Variants in STAT5B observed in about 807,000 individuals in gnomAD.
The protein encoded by STAT5B is transcription factor STAT5B.
Under a neutral mutation model 107.8 loss-of-function variants are expected in STAT5B, and 21 were observed. The ratio of observed to expected loss-of-function variants is 0.19; its 90% confidence interval spans 0.14 to 0.28. The LOEUF (loss-of-function observed/expected upper bound fraction) is 0.28. STAT5B is among the 10% of genes least tolerant of loss of function. The pLI, the probability that STAT5B is intolerant of heterozygous loss-of-function variation, is 1.00. For synonymous variants in STAT5B, 325 were observed against 401.7 expected, an observed-to-expected ratio of 0.81 and a Z score of 2.28; for missense variants, 565 against 1,008.2, an observed-to-expected ratio of 0.56 and a Z score of 5.95.
chr17:42,223,033 A>G (rs1181133106), intron 5 of STAT5B, among the ~76,000 whole-genome samples: 2 of 152,130 alleles, frequency 1.3e-5, no homozygotes, highest in Non-Finnish European at 2.9e-5. Context: ...TATCATTTCA[A>G]TAAAGCTCCA....
At chr17:42,227,193 T>C (rs1473164650) in intron 3 of STAT5B, among the ~76,000 whole-genome samples, 1 of 118,772 alleles carries the variant, frequency 8.4e-6, no homozygotes, top group Non-Finnish European at 1.8e-5. Context: ...CAGAGGTACT[T>C]ACTGGTGCAG....
At position 42,223,577 on chromosome 17, in the gene STAT5B, G is replaced by T. The variant is rs369759037; in HGVS notation, c.376-21C>A. 6.3e-5 allele frequency: 101 copies of T among 1,612,440 alleles called. No individual in the cohort carries two copies. The Middle Eastern group carries it at 5.3e-3, about 84-fold the overall frequency. Reference sequence around the variant, plus strand: ...CTACCCTGGGAACATATGGGGGGCAGTGCAAGGCAGTGCGAATGGGAGGAA... The same window carrying T: ...CTACCCTGGGAACATATGGGGGGCATTGCAAGGCAGTGCGAATGGGAGGAA... On this transcript the variant is annotated intron_variant, in intron 4 of 18. Transcript: ENST00000293328.
intron 1 of STAT5B, among the ~76,000 whole-genome samples, chr17:42,239,246 C>CAAAA (rs770177992): frequency 1.7e-4 from 9 of 52,466 alleles, no homozygotes; most frequent in African/African-American, 5.1e-4. Context: ...GACTCTGTCT[C>CAAAA]AAAAAAAAAA....
upstream of STAT5B, among the ~76,000 whole-genome samples, chr17:42,281,079 A>G (rs1486080754): frequency 6.6e-6 from 1 of 151,776 alleles, no homozygotes; most frequent in African/African-American, 2.4e-5. Flanking sequence ...GGTTGCAGTG[A>G]GCAGAGATCG....
chr17:42,226,004 G>A (rs559877185), intron 3 of STAT5B, among the ~76,000 whole-genome samples: 7 of 152,206 alleles, frequency 4.6e-5, no homozygotes, highest in East Asian at 3.9e-4. Context: ...GCACGGTCTC[G>A]GCTCACTGCA....
chr17:42,272,455 CAGAT>C (rs1352111879), intron 1 of STAT5B: 2 of 152,174 alleles, frequency 1.3e-5, no homozygotes, highest in African/African-American at 2.4e-5. Context: ...TGCGAGGAAA[CAGAT>C]AGCAGCACCT....
intron 1 of STAT5B, among the ~76,000 whole-genome samples, chr17:42,238,292 C>T (rs949882109): frequency 1.3e-5 from 2 of 151,598 alleles, no homozygotes; most frequent in Non-Finnish European, 2.9e-5. Context: ...TGCCATCACA[C>T]CTGGCTAATT....
intron 8 of STAT5B, 106 bp downstream of exon 8, chr17:42,218,617 T>A: frequency 6.3e-7 from 1 of 1,589,614 alleles, no homozygotes; most frequent in Non-Finnish European, 8.6e-7. Context: ...TTGGGAGGGA[T>A]GAGAGGCAGG....
At chr17:42,219,107 C>T (rs1183470989) in intron 7 of STAT5B, among the ~76,000 whole-genome samples, 1 of 152,216 alleles carries the variant, frequency 6.6e-6, no homozygotes, top group Non-Finnish European at 1.5e-5. Flanking sequence ...CGAACCCTGT[C>T]CCATCTCCAG....
intron 1 of STAT5B, among the ~76,000 whole-genome samples, chr17:42,267,843 C>A (rs1323596874): frequency 6.6e-6 from 1 of 151,522 alleles, no homozygotes; most frequent in Non-Finnish European, 1.5e-5. Flanking sequence ...CCTGTAATCC[C>A]AGCTATTCGG....
At chr17:42,262,733 TAGC>T (rs1449118968) in intron 1 of STAT5B, among the ~76,000 whole-genome samples, 5 of 133,228 alleles carry the variant, frequency 3.8e-5, no homozygotes, top group Admixed American at 7.4e-5. Flanking sequence ...ATGAATAACT[TAGC>T]AGAGTGTGTA....
upstream of STAT5B, among the ~76,000 whole-genome samples, chr17:42,280,126 G>C (rs2080789659): frequency 6.6e-6 from 1 of 152,072 alleles, no homozygotes; most frequent in African/African-American, 2.4e-5. Context: ...AAACTGAACA[G>C]GAAGCTAGGA....
At chr17:42,231,276 G>A (rs2080315374) in intron 2 of STAT5B, among the ~76,000 whole-genome samples, 1 of 151,868 alleles carries the variant, frequency 6.6e-6, no homozygotes, top group South Asian at 2.1e-4. Context: ...GGGTAGCTGG[G>A]ATTATAGGTG....
At chr17:42,224,955 G>C in intron 3 of STAT5B, 87 bp from the exon 4 acceptor site, 1 of 1,354,656 alleles carries the variant, frequency 7.4e-7, no homozygotes, top group Non-Finnish European at 1.0e-6. Context: ...CCTCCTGAGG[G>C]ACCTCCTGAA....
chr17:42,223,477 C>T lies in STAT5B; in HGVS notation c.455G>A (p.Arg152Gln), dbSNP rs149614939. Residue 152 changes from arginine (R) to glutamine (Q), a missense_variant, in exon 5 of 19, where the codon CGA becomes CAA. Transcript: ENST00000293328. ...LQINQTFEELRLVTQDTENEL... is the reference protein window; with the variant it reads ...LQINQTFEELQLVTQDTENEL... The stretch of plus-strand genomic sequence containing the variant: ...ATTCTCTGTGTCCTGCGTGACCAGT[C>T]GCAGCTCCTCAAACGTCTGGTTGAT... 31 of 1,614,036 alleles carry T rather than the reference C, an allele frequency of 1.9e-5. No individual in the cohort carries two copies. Among genetic ancestry groups the T allele is most frequent in the African/African-American group, 1.5e-4 (11 of 74,904 alleles).
At chr17:42,261,797 T>C (rs11079040) in intron 1 of STAT5B, among the ~76,000 whole-genome samples, 54,791 of 152,032 alleles carry the variant, frequency 0.36, 11,128 homozygotes, top group African/African-American at 0.55. Context: ...TGGGCTCAAG[T>C]GATGAGCCCA....
upstream of STAT5B, among the ~76,000 whole-genome samples, chr17:42,279,714 T>G (rs914648396): frequency 1.3e-5 from 2 of 150,990 alleles, no homozygotes; most frequent in African/African-American, 4.9e-5. Flanking sequence ...GGCAGGAGAA[T>G]CACTTGAAAC....
At chr17:42,257,046 A>C (rs563207691) in intron 1 of STAT5B, among the ~76,000 whole-genome samples, 1 of 152,196 alleles carries the variant, frequency 6.6e-6, no homozygotes, top group South Asian at 2.1e-4. Context: ...CCTTGGGATA[A>C]GGCAGGACTA....
intron 5 of STAT5B, among the ~76,000 whole-genome samples, chr17:42,220,966 A>G (rs28716426): frequency 0.18 from 25,127 of 136,394 alleles, 2,282 homozygotes; most frequent in East Asian, 0.33. Flanking sequence ...ATCCCTTCCC[A>G]TCACCTTCTC....
Sources: gnomAD v4.1 joint callset for allele counts (sites outside exome capture counted in the v4.1 genomes callset) on GRCh38, gnomAD v4.1.1 for gene constraint, MANE v1.5 for transcripts, NCBI Gene and HGNC (gene_info 2026-07-23, HGNC 2026-07-21) for gene names.